MPRIP: variants seen among roughly 807,000 people sequenced by gnomAD.
The protein encoded by MPRIP is myosin phosphatase Rho-interacting protein.
In MPRIP, 59 loss-of-function variants were observed where a neutral mutation model predicts 234.9. The observed-to-expected ratio is 0.25, with a 90% CI of 0.20 to 0.31. The LOEUF is 0.31. Among genes scored for constraint, MPRIP ranks in the 10% least tolerant of loss-of-function variants. The pLI is 1.00. For synonymous variants in MPRIP, 1,144 were observed against 1,263.9 expected (o/e 0.91, Z 2.01); for missense variants, 2,436 against 3,071.0 (o/e 0.79, Z 4.89).
At chr17:17,131,722 A>G (rs2271520) in intron 5 of MPRIP, 21 bp downstream of exon 5, 1,324,237 of 1,611,744 alleles carry the variant, frequency 0.82, 545,855 homozygotes, top group East Asian at 0.99. Flanking sequence ...GGTTTGCCAG[A>G]TGGCATCCCC....
chr17:17,169,171 A>T (rs577356819), intron 16 of MPRIP: 36 of 373,286 alleles, frequency 9.6e-5, no homozygotes, highest in African/African-American at 7.4e-4. Flanking sequence ...AAGTGTGTGT[A>T]TATGATGGCA....
intron 3 of MPRIP, among the ~76,000 whole-genome samples, chr17:17,110,447 A>G (rs2090147762): frequency 1.3e-5 from 2 of 152,222 alleles, no homozygotes; most frequent in South Asian, 4.1e-4. Flanking sequence ...AATGGGAGAG[A>G]AGAAACAAAA....
intron 22 of MPRIP, 58 bp downstream of exon 22, chr17:17,177,470 C>A: frequency 6.4e-7 from 1 of 1,566,138 alleles, no homozygotes; most frequent in South Asian, 1.2e-5. Context: ...GGGGTTTGGT[C>A]GTAGAGGTTT....
rs2089386833 is a variant in MPRIP at position 17,078,474 on chromosome 17, C to T, written c.267+398C>T. 6.6e-6 allele frequency among the ~76,000 whole-genome samples: 1 copy of T among 152,170 alleles called. No individual in the cohort carries two copies. The highest frequency in any genetic ancestry group is 1.5e-5 in the Non-Finnish European group (1 of 68,028). On this transcript the variant is annotated intron_variant, in intron 3 of 23. Transcript: ENST00000651222. This position sits in a 1 kb window ranked among gnomAD's most constrained non-coding sequence, Gnocchi z 4.3. ...TGGCACATGTGCTCACGCACCTAGT[C>T]CTGGGGTTGCCTGTCAATTCTGCGA...
chr17:17,068,178 T>G (rs1338210564), intron 1 of MPRIP, among the ~76,000 whole-genome samples: 1 of 152,094 alleles, frequency 6.6e-6, no homozygotes, highest in African/African-American at 2.4e-5. Context: ...GAGATGAAGT[T>G]TCGCTCTTGT....
At chr17:17,093,548 T>C (rs925242804) in intron 3 of MPRIP, among the ~76,000 whole-genome samples, 1 of 152,204 alleles carries the variant, frequency 6.6e-6, no homozygotes, top group Non-Finnish European at 1.5e-5. Flanking sequence ...TAGTTACCCT[T>C]GGATCTTACT....
chr17:17,105,722 A>G (rs971018210), intron 3 of MPRIP, among the ~76,000 whole-genome samples: 2 of 152,212 alleles, frequency 1.3e-5, no homozygotes, highest in African/African-American at 4.8e-5. Context: ...GTGTGACTCC[A>G]GGACTATGGG....
intron 13 of MPRIP, 90 bp from the exon 14 acceptor site, chr17:17,158,342 C>T (rs2045777780): frequency 9.0e-7 from 1 of 1,107,590 alleles, no homozygotes; most frequent in Admixed American, 2.7e-5. Context: ...CTCACAGGGG[C>T]TGGGTTGTGG....
At chr17:17,180,280 T>A in intron 23 of MPRIP, 192 bp downstream of exon 23, 2 of 609,090 alleles carry the variant, frequency 3.3e-6, no homozygotes, top group Non-Finnish European at 2.9e-6. Flanking sequence ...TGGAGCCACC[T>A]CCTGGCAATG....
intron 1 of MPRIP, among the ~76,000 whole-genome samples, chr17:17,052,941 G>A (rs1415273205): frequency 1.3e-5 from 2 of 152,146 alleles, no homozygotes; most frequent in Non-Finnish European, 2.9e-5. Flanking sequence ...TGACCTCCTC[G>A]TGGTCCTTCC....
In MPRIP at chr17:17,185,644, C is replaced by G. The variant is rs757216926; in HGVS notation, c.*750C>G. ...TCCAGTAACCCTGGTCTTTTCATAA[C>G]TGCTCGAGATTGTTGACCTGCAGCC... On this transcript the variant is annotated 3_prime_UTR_variant, in exon 24 of 24. Transcript: ENST00000651222. 2.3e-6 allele frequency: 1 copy of G among 436,532 alleles called. No homozygotes were observed. The highest frequency in any genetic ancestry group is 2.0e-5 in the African/African-American group (1 of 49,010). The allele number at this position is 436,532 out of a possible 1,614,324, so 27.0% of individuals were successfully genotyped here.
chr17:17,057,524 C>T (rs1179164449), intron 1 of MPRIP: 4 of 699,100 alleles, frequency 5.7e-6, no homozygotes, highest in Non-Finnish European at 1.1e-5. Context: ...GGCAGAGGGC[C>T]CACAGAGCCC....
chr17:17,114,573 G>A (rs1324105353), intron 3 of MPRIP, among the ~76,000 whole-genome samples: 2 of 152,208 alleles, frequency 1.3e-5, no homozygotes, highest in Non-Finnish European at 2.9e-5. Context: ...TCCATTTCAA[G>A]TTCATTGTTG....
chr17:17,125,641 GCT>G (rs2090476967), intron 3 of MPRIP, among the ~76,000 whole-genome samples: 1 of 152,224 alleles, frequency 6.6e-6, no homozygotes, highest in African/African-American at 2.4e-5. Flanking sequence ...GTTGGTCTGA[GCT>G]CAGCATGGGC....
At position 17,138,003 on chromosome 17, in the gene MPRIP, A is replaced by G. The variant is rs771139804; in HGVS notation, c.824A>G (p.Gln275Arg). 35 of 1,612,096 alleles carry G rather than the reference A, an allele frequency of 2.2e-5. No homozygotes were observed. Among genetic ancestry groups the G allele is most frequent in the Non-Finnish European group, 3.4e-6 (4 of 1,179,470 alleles). The change falls in exon 7 of 24, where the codon CAG becomes CGG. Residue 275 changes from glutamine to arginine, a missense_variant. Coordinates refer to ENST00000651222, the MANE Select transcript of MPRIP (RefSeq NM_001364716.4). This position sits in a 1 kb window ranked among gnomAD's most constrained non-coding sequence, Gnocchi z 5.8. ...TACTTCTCTCTGGAGAAGACCAAAC[A>G]GGACTTGAAGGCTGAAGAACAGCAG... Reference protein sequence around the residue: ...SGYFSLEKTKQDLKAEEQQLP... With the variant: ...SGYFSLEKTKRDLKAEEQQLP...
At chr17:17,057,307 G>C (rs1039537286) in intron 1 of MPRIP, among the ~76,000 whole-genome samples, 1 of 152,244 alleles carries the variant, frequency 6.6e-6, no homozygotes, top group African/African-American at 2.4e-5. Flanking sequence ...GCAGTGTCAC[G>C]GGGCGGTGCA....
intron 11 of MPRIP, among the ~76,000 whole-genome samples, 184 bp downstream of exon 11, chr17:17,147,571 G>A (rs1034996371): frequency 3.3e-5 from 5 of 152,200 alleles, no homozygotes; most frequent in African/African-American, 1.2e-4. Flanking sequence ...TCCCGACCTG[G>A]TGGGAAGGTG....
At chr17:17,118,515 C>T (rs1310816418) in intron 3 of MPRIP, among the ~76,000 whole-genome samples, 2 of 152,168 alleles carry the variant, frequency 1.3e-5, no homozygotes, top group Non-Finnish European at 2.9e-5. Context: ...CTCAGCCCAG[C>T]CTAGGGGCTG....
In MPRIP at chr17:17,167,303, T is replaced by C. The variant is rs1945839407; in HGVS notation, c.5712T>C (p.Asp1904=). ...LLRKQKSEYL[D]VIAIVERENA... ...GCAAGCAGAAGAGCGAGTACCTGGA[T>C]GTGATCGCCATTGTTGAAAGGGAGA... The change falls in exon 16 of 24, where the codon GAT becomes GAC. Residue 1904 remains aspartate, a synonymous_variant. Transcript: ENST00000651222. This position sits in a 1 kb window ranked among gnomAD's most constrained non-coding sequence, Gnocchi z 5.9. The C allele has an allele frequency of 7.7e-7, 1 of 1,303,850 alleles. No individual in the cohort carries two copies. The highest frequency in any genetic ancestry group is 1.5e-5 in the African/African-American group (1 of 65,852). The allele number at this position is 1,303,850 out of a possible 1,614,324, so 80.8% of individuals were successfully genotyped here.
Sources: allele counts gnomAD v4.1 joint callset (sites outside exome capture counted in the v4.1 genomes callset), GRCh38; gene constraint gnomAD v4.1.1; non-coding constraint Gnocchi (gnomAD v3.1); transcripts MANE v1.5; gene names NCBI Gene and HGNC (gene_info 2026-07-23, HGNC 2026-07-21).